Variants in ARID2 observed in about 807,000 individuals in gnomAD.
ARID2 encodes the protein AT-rich interaction domain 2, also known as AT-rich interactive domain-containing protein 2.
ARID2 carries 32 observed loss-of-function variants against 184.6 expected under a neutral mutation model. The ratio of observed to expected loss-of-function variants is 0.17; its 90% confidence interval spans 0.13 to 0.23. The LOEUF is 0.23. ARID2 is among the 10% of genes least tolerant of loss of function. ARID2 has a pLI of 1.00. For missense variants in ARID2, 1,696 were observed against 2,197.6 expected (o/e 0.77, Z 4.56); for synonymous variants, 836 against 772.6 (o/e 1.08, Z -1.36).
chr12:45,755,972 G>C (rs888405180), intron 3 of ARID2: 6 of 158,606 alleles, frequency 3.8e-5, no homozygotes, highest in Non-Finnish European at 7.3e-5. Context: ...GTGGCGTGAA[G>C]TCGGCTCACT....
chr12:45,736,996 C>T (rs1424134362), intron 3 of ARID2, among the ~76,000 whole-genome samples: 1 of 152,194 alleles, frequency 6.6e-6, no homozygotes, highest in Non-Finnish European at 1.5e-5. Context: ...CACAACTATA[C>T]ATTTTCTACT....
chr12:45,739,561 T>C (rs528031263), intron 3 of ARID2, among the ~76,000 whole-genome samples: 16 of 147,802 alleles, frequency 1.1e-4, no homozygotes, highest in African/African-American at 3.5e-4. Context: ...TGGATAAACA[T>C]CTTATTGTAA....
In ARID2 at chr12:45,905,952, C is replaced by CTTTTTTTTTTTTTTTTTTTTT. The variant is rs200988904; in HGVS notation, c.*885_*886insTTTTTTTTTTTTTTTTTTTTT. ...TTTTTTCTTTTTTCTTTTTTTTTTT[C>CTTTTTTTTTTTTTTTTTTTTT]TTTTTTTTTTTGTATTATACACCTT... On this transcript the variant is annotated 3_prime_UTR_variant, in exon 21 of 21. Transcript: ENST00000334344. The CTTTTTTTTTTTTTTTTTTTTT allele has an allele frequency of 1.5e-5, 2 of 137,288 alleles. No homozygotes were observed. The highest frequency in any genetic ancestry group is 6.8e-5 in the African/African-American group (2 of 29,222). 8.5% of individuals were successfully genotyped at this position (137,288 alleles called of 1,614,324 possible).
chr12:45,824,702 G>GA (rs1010137293), intron 6 of ARID2, among the ~76,000 whole-genome samples: 8 of 152,000 alleles, frequency 5.3e-5, no homozygotes, highest in Middle Eastern at 3.4e-3. Context: ...AGCCATTATG[G>GA]AAAACGGTAT....
intron 16 of ARID2, among the ~76,000 whole-genome samples, chr12:45,873,362 A>C (rs148148422): frequency 6.6e-6 from 1 of 152,136 alleles, no homozygotes. Context: ...CTGTAGTTGC[A>C]TTGATAGCTA....
intron 15 of ARID2, among the ~76,000 whole-genome samples, chr12:45,854,544 A>G (rs1178502674): frequency 6.6e-6 from 1 of 152,212 alleles, no homozygotes; most frequent in Non-Finnish European, 1.5e-5. Context: ...AATGTGGAGT[A>G]TATAGTAGAT....
intron 3 of ARID2, among the ~76,000 whole-genome samples, chr12:45,801,358 A>G (rs1202174197): frequency 6.6e-6 from 1 of 152,058 alleles, no homozygotes; most frequent in Non-Finnish European, 1.5e-5. Context: ...TTACTTTCAC[A>G]GTGACTTAGT....
rs1171744195 is a variant in ARID2 at position 45,906,091 on chromosome 12, A to G, written c.*1013A>G. On this transcript the variant is annotated 3_prime_UTR_variant, in exon 21 of 21. Transcript: ENST00000334344. ...GTTTTCCTTAACATGTATCCACTGTAAACGTTTGTCGTGTACAAGCTCAGA... is the reference window on the plus strand; with the variant it reads ...GTTTTCCTTAACATGTATCCACTGTGAACGTTTGTCGTGTACAAGCTCAGA... 4.3e-6 allele frequency: 1 copy of G among 232,478 alleles called. No individual in the cohort carries two copies. The highest frequency in any genetic ancestry group is 8.5e-6 in the Non-Finnish European group (1 of 117,496). The allele number at this position is 232,478 out of a possible 1,614,324, so 14.4% of individuals were successfully genotyped here.
At chr12:45,791,823 A>G (rs184018644) in intron 3 of ARID2, among the ~76,000 whole-genome samples, 1 of 152,334 alleles carries the variant, frequency 6.6e-6, no homozygotes, top group East Asian at 1.9e-4. Flanking sequence ...GTTGTCTGCA[A>G]TCTAGTTTTA....
Position 45,860,961 on chromosome 12 carries a change from T to C in ARID2, c.4922+12T>C. ...CAGTCTTGTAAAAAGTAAATGGCAA[T>C]TTTATTTGATATATAAAAGTATTCT... On this transcript the variant is annotated intron_variant, in intron 16 of 20. Coordinates refer to ENST00000334344, the MANE Select transcript of ARID2 (RefSeq NM_152641.4). The C allele has an allele frequency of 6.5e-7, 1 of 1,527,928 alleles. No homozygotes were observed. Among genetic ancestry groups the C allele is most frequent in the Non-Finnish European group, 8.8e-7 (1 of 1,136,488 alleles). 94.6% of individuals were successfully genotyped at this position (1,527,928 alleles called of 1,614,324 possible). A position where few individuals can be genotyped will look rare whatever the true frequency, so the allele number is the denominator to read the frequency against.
rs1245918336 is a variant in ARID2 at position 45,851,574 on chromosome 12, T to C, written c.3451T>C (p.Leu1151=). The change falls in exon 15 of 21, where the codon TTG becomes CTG. Residue 1151 remains leucine, a synonymous_variant. Coordinates refer to ENST00000334344, the MANE Select transcript of ARID2 (RefSeq NM_152641.4). ...TGTGCCCATTTCGAACTTACAAATA[T>C]TGCCAGGTCCACTGATCTCAAATAG... is the stretch of plus-strand genomic sequence containing the variant. ...QTVPISNLQI[L]PGPLISNSPA... is the part of the protein sequence containing the mutation. 6.2e-7 allele frequency: 1 copy of C among 1,613,998 alleles called. No individual in the cohort carries two copies. Among genetic ancestry groups the C allele is most frequent in the Non-Finnish European group, 8.5e-7 (1 of 1,179,996 alleles).
intron 16 of ARID2, among the ~76,000 whole-genome samples, chr12:45,866,098 C>T (rs1197659631): frequency 2.0e-5 from 3 of 151,930 alleles, no homozygotes; most frequent in African/African-American, 2.4e-5. Flanking sequence ...TTATTTTAAA[C>T]TATATATACT....
chr12:45,750,483 C>T (rs1163290457), intron 3 of ARID2, among the ~76,000 whole-genome samples: 10 of 152,088 alleles, frequency 6.6e-5, no homozygotes, highest in South Asian at 4.2e-4. Context: ...AAAATGATGC[C>T]GATAGACTTG....
At position 45,850,451 on chromosome 12, in the gene ARID2, C is replaced by T. The variant is rs2138162088; in HGVS notation, c.2328C>T (p.His776=). 2.5e-6 allele frequency: 4 copies of T among 1,614,042 alleles called. No homozygotes were observed. The highest frequency in any genetic ancestry group is 3.4e-6 in the Non-Finnish European group (4 of 1,179,968). The change falls in exon 15 of 21, where the codon CAC becomes CAT. Residue 776 remains histidine (H), a synonymous_variant. Coordinates refer to ENST00000334344, the MANE Select transcript of ARID2 (RefSeq NM_152641.4). ...TAATTCCACAGCAGTCTCCATTACA[C>T]ACAGTGGTACCAGGACAGATCCCTT... is the stretch of plus-strand genomic sequence containing the variant. ...PSVIPQQSPL[H]TVVPGQIPSG... is the part of the protein sequence containing the mutation.
intron 15 of ARID2, among the ~76,000 whole-genome samples, chr12:45,856,387 T>C (rs1943651616): frequency 1.3e-5 from 2 of 152,210 alleles, no homozygotes; most frequent in Non-Finnish European, 1.5e-5. Context: ...ATATACTCTT[T>C]AAAGTTGCAT....
At chr12:45,889,208 G>T (rs1944250014) in intron 16 of ARID2, among the ~76,000 whole-genome samples, 1 of 152,054 alleles carries the variant, frequency 6.6e-6, no homozygotes, top group Admixed American at 6.5e-5. Context: ...TTGTACAAAG[G>T]TATCATATTA....
At position 45,905,724 on chromosome 12, in the gene ARID2, TGCCACTGCA is replaced by T. The variant is rs1944516232; in HGVS notation, c.*654_*662del. 1 of 233,002 alleles carries T rather than the reference TGCCACTGCA, an allele frequency of 4.3e-6. No homozygotes were observed. The highest frequency in any genetic ancestry group is 5.6e-5 in the Admixed American group (1 of 17,794). The allele number at this position is 233,002 out of a possible 1,614,324, so 14.4% of individuals were successfully genotyped here. ...TTGTGAATAGAATGAATACCTTTCA[TGCCACTGCA>T]GCCACTGGAAATACATTCTGTGGTG... On this transcript the variant is annotated 3_prime_UTR_variant, in exon 21 of 21. Coordinates refer to ENST00000334344, the MANE Select transcript of ARID2 (RefSeq NM_152641.4).
chr12:45,766,600 G>A (rs1941774045), intron 3 of ARID2, among the ~76,000 whole-genome samples: 1 of 150,868 alleles, frequency 6.6e-6, no homozygotes, highest in Admixed American at 6.6e-5. Context: ...TGCAAGCTCC[G>A]CCTCCTGGGT....
At position 45,850,809 on chromosome 12, in the gene ARID2, A is replaced by G. The variant is rs1265531657; in HGVS notation, c.2686A>G (p.Ile896Val). The stretch of plus-strand genomic sequence containing the variant: ...AGCCTCAAGGGTAGGGTTTCAGAAC[A>G]TTGCACCAAAACCTCTCCCTTCTCA... The part of the protein sequence containing the change: ...PQASRVGFQN[I>V]APKPLPSQQV... Residue 896 changes from isoleucine (I) to valine (V), a missense_variant, in exon 15 of 21, where the codon ATT becomes GTT. Transcript: ENST00000334344. 1.2e-6 allele frequency: 2 copies of G among 1,614,084 alleles called. No homozygotes were observed. The highest frequency in any genetic ancestry group is 1.3e-5 in the African/African-American group (1 of 75,000).
Sources: allele counts gnomAD v4.1 joint callset (sites outside exome capture counted in the v4.1 genomes callset), GRCh38; gene constraint gnomAD v4.1.1; transcripts MANE v1.5; gene names NCBI Gene and HGNC (gene_info 2026-07-23, HGNC 2026-07-21).